Variants in DCC observed in about 807,000 individuals in gnomAD.
The protein encoded by DCC is netrin receptor DCC.
Under a neutral mutation model 172.5 loss-of-function variants are expected in DCC, and 58 were observed. The observed-to-expected ratio is 0.34, with a 90% CI of 0.27 to 0.42. The LOEUF is 0.42. DCC is among the 10% of genes least tolerant of loss of function. The probability of loss-of-function intolerance (pLI) is 1.00; values close to 1 mark genes in which losing one functional copy is unlikely to be tolerated. For synonymous variants in DCC, 709 were observed against 644.5 expected, an observed-to-expected ratio of 1.10 and a Z score of -1.52; for missense variants, 1,740 against 1,791.0, an observed-to-expected ratio of 0.97 and a Z score of 0.51.
chr18:53,402,020 C>A (rs545371071), intron 18 of DCC, among the ~76,000 whole-genome samples: 2 of 152,216 alleles, frequency 1.3e-5, no homozygotes, highest in African/African-American at 4.8e-5. Context: ...CTCATGTGTG[C>A]CTTCCTGTTG....
chr18:53,094,275 C>G (rs1041340550), intron 7 of DCC, among the ~76,000 whole-genome samples: 3 of 152,178 alleles, frequency 2.0e-5, no homozygotes, highest in Non-Finnish European at 2.9e-5. Flanking sequence ...TATGTACAGA[C>G]AGTGTCCCAA....
chr18:52,882,339 G>A (rs1320423980), intron 2 of DCC, among the ~76,000 whole-genome samples: 1 of 151,670 alleles, frequency 6.6e-6, no homozygotes, highest in African/African-American at 2.4e-5. Flanking sequence ...TTTTGGTTTG[G>A]ACTTGCCTTT....
chr18:53,071,467 T>G (rs8098813), intron 7 of DCC, among the ~76,000 whole-genome samples: 12,014 of 152,248 alleles, frequency 0.079, 1,406 homozygotes, highest in African/African-American at 0.25. Context: ...GGTACATAAG[T>G]AACATAATGC....
intron 27 of DCC, among the ~76,000 whole-genome samples, chr18:53,517,309 G>T (rs1275640644): frequency 1.3e-5 from 2 of 150,938 alleles, no homozygotes; most frequent in African/African-American, 4.9e-5. Flanking sequence ...GGGGTGGGGG[G>T]AGGCGGGAGG....
In DCC at chr18:52,888,183, G is replaced by A. The variant is rs200230725; in HGVS notation, c.413-17861G>A. Among the ~76,000 whole-genome samples, 9 of 152,272 alleles carry A rather than the reference G, an allele frequency of 5.9e-5. No individual in the cohort carries two copies. The East Asian group carries it at 1.5e-3, about 26-fold the overall frequency. ...TTCCTGTTTGAAAAGCTAATTAAAT[G>A]GTCTCATTGCTGATTGGCTGGAAGC... On this transcript the variant is annotated intron_variant, in intron 2 of 28. Transcript: ENST00000442544.
chr18:52,401,480 A>G (rs1986438948), intron 1 of DCC, among the ~76,000 whole-genome samples: 1 of 152,046 alleles, frequency 6.6e-6, no homozygotes, highest in Admixed American at 6.6e-5. Flanking sequence ...TCAACTGGCA[A>G]TGCAGAGAAA....
chr18:52,706,988 G>A (rs867672117), intron 1 of DCC, among the ~76,000 whole-genome samples: 4 of 152,148 alleles, frequency 2.6e-5, no homozygotes, highest in Admixed American at 6.5e-5. Context: ...GATGCAGAGG[G>A]ATGGAGGTAG....
chr18:53,526,524 A>C (rs2046457202), intron 27 of DCC, 93 bp from the exon 28 acceptor site: 1 of 1,336,140 alleles, frequency 7.5e-7, no homozygotes, highest in East Asian at 2.3e-5. Context: ...ACCTAAAATC[A>C]ATGCCAATCT....
intron 1 of DCC, among the ~76,000 whole-genome samples, chr18:52,678,223 C>T (rs535572990): frequency 3.9e-5 from 6 of 152,064 alleles, no homozygotes; most frequent in Non-Finnish European, 7.4e-5. Context: ...GCAAGGTTAA[C>T]GTTAAGAAAC....
At position 52,571,079 on chromosome 18, in the gene DCC, A is replaced by G. The variant is rs577406476; in HGVS notation, c.92-180975A>G. Reference sequence around the variant, plus strand: ...CTGTTTTTATGCCACGATTAGTTACAAGGTGCACAAAAACTTTTTCTAGCT... The same window carrying G: ...CTGTTTTTATGCCACGATTAGTTACGAGGTGCACAAAAACTTTTTCTAGCT... On this transcript the variant is annotated intron_variant, in intron 1 of 28. Transcript: ENST00000442544. Among the ~76,000 whole-genome samples, 29 of 152,310 alleles carry G rather than the reference A, an allele frequency of 1.9e-4. No homozygotes were observed. The East Asian group carries it at 5.6e-3, about 29-fold the overall frequency.
At chr18:53,331,579 G>A (rs1280705268) in intron 14 of DCC, among the ~76,000 whole-genome samples, 2 of 152,236 alleles carry the variant, frequency 1.3e-5, no homozygotes, top group East Asian at 3.9e-4. Flanking sequence ...TAACAGTCAG[G>A]ATTAGGTTAT....
At chr18:53,297,396 T>A (rs1174349040) in intron 12 of DCC, among the ~76,000 whole-genome samples, 2 of 152,194 alleles carry the variant, frequency 1.3e-5, no homozygotes, top group South Asian at 2.1e-4. Context: ...ATTTTATAGT[T>A]CTTATTTTTT....
In DCC at chr18:52,927,146, T is replaced by TAC. The variant is rs1568192197; in HGVS notation, c.985+1776_985+1777insAC. On this transcript the variant is annotated intron_variant, in intron 5 of 28. Transcript: ENST00000442544. ...ATATACACGTATATACGTGTATATA[T>TAC]GTGTATATATACGTATATATGTGTA... 4.7e-4 allele frequency among the ~76,000 whole-genome samples: 28 copies of TAC among 59,066 alleles called. 4 individuals carry two copies. The highest frequency in any genetic ancestry group is 7.2e-4 in the Non-Finnish European group (17 of 23,670). 38.7% of individuals were successfully genotyped at this position (59,066 alleles called of 152,430 possible).
chr18:52,424,266 G>A (rs117891632), intron 1 of DCC, among the ~76,000 whole-genome samples: 1,811 of 152,148 alleles, frequency 0.012, 22 homozygotes, highest in Non-Finnish European at 0.018. Flanking sequence ...CACAATCACC[G>A]TTCGTGCTGG....
At chr18:52,473,266 T>C (rs1428050171) in intron 1 of DCC, among the ~76,000 whole-genome samples, 1 of 152,166 alleles carries the variant, frequency 6.6e-6, no homozygotes, top group Non-Finnish European at 1.5e-5. Flanking sequence ...CCTCACATCT[T>C]ACAGGAAAAG....
intron 2 of DCC, among the ~76,000 whole-genome samples, chr18:52,812,319 C>A (rs1568119733): frequency 6.6e-6 from 1 of 151,878 alleles, no homozygotes; most frequent in South Asian, 2.1e-4. Flanking sequence ...TGATCAATGT[C>A]TATGCCTTGC....
intron 13 of DCC, among the ~76,000 whole-genome samples, chr18:53,310,382 T>C (rs1429758626): frequency 6.6e-6 from 1 of 152,170 alleles, no homozygotes; most frequent in African/African-American, 2.4e-5. Flanking sequence ...ATTGGAAATT[T>C]CAGAATGCTC....
chr18:52,451,934 T>C (rs1261823480), intron 1 of DCC, among the ~76,000 whole-genome samples: 3 of 152,214 alleles, frequency 2.0e-5, no homozygotes, highest in Admixed American at 2.0e-4. Context: ...TAGGTGATTC[T>C]GATAAAATTC....
chr18:53,097,317 C>G (rs1365242405), intron 7 of DCC, among the ~76,000 whole-genome samples: 1 of 152,160 alleles, frequency 6.6e-6, no homozygotes, highest in Non-Finnish European at 1.5e-5. Context: ...CCTTCTATGT[C>G]TGGGACACCT....
Sources: allele counts gnomAD v4.1 joint callset (sites outside exome capture counted in the v4.1 genomes callset), GRCh38; gene constraint gnomAD v4.1.1; transcripts MANE v1.5; gene names NCBI Gene and HGNC (gene_info 2026-07-23, HGNC 2026-07-21).